Variants in RAB11FIP5 observed in about 807,000 individuals in gnomAD.
RAB11FIP5 encodes the protein RAB11 family interacting protein 5.
Under a neutral mutation model 85.1 loss-of-function variants are expected in RAB11FIP5, and 48 were observed. The observed-to-expected ratio is 0.56, with a 90% CI of 0.45 to 0.72. The LOEUF (loss-of-function observed/expected upper bound fraction) is 0.72, where lower values mean the gene tolerates loss of function less well. Ranked by LOEUF, RAB11FIP5 falls within the 30% of genes least tolerant of loss-of-function variation. RAB11FIP5 has a pLI of 0.00. For synonymous variants in RAB11FIP5, 729 were observed against 727.3 expected, an observed-to-expected ratio of 1.00 and a Z score of -0.04; for missense variants, 1,491 against 1,687.0, an observed-to-expected ratio of 0.88 and a Z score of 2.04.
Position 73,075,763 on chromosome 2 carries a change from GGCCT to G in RAB11FIP5, c.3772-43_3772-40del, listed in dbSNP as rs3832033. 3.1e-4 allele frequency: 465 copies of G among 1,510,228 alleles called. No homozygotes were observed. Among genetic ancestry groups the G allele is most frequent in the Non-Finnish European group, 3.8e-4 (429 of 1,123,454 alleles). The allele number at this position is 1,510,228 out of a possible 1,614,324, so 93.6% of individuals were successfully genotyped here. On this transcript the variant is annotated intron_variant, in intron 5 of 5. Transcript: ENST00000486777. This position sits in a 1 kb window ranked among gnomAD's most constrained non-coding sequence, Gnocchi z 4.6. ...GAAGACAGTGAGCAGGGCAGCCCTA[GGCCT>G]GCCTGCCTGCCTGCCCGCTTGCCCG...
At chr2:73,110,486 C>A (rs547850662) in intron 1 of RAB11FIP5, among the ~76,000 whole-genome samples, 1 of 151,930 alleles carries the variant, frequency 6.6e-6, no homozygotes. Context: ...TGTTCCCCCC[C>A]CGGTTCTATA....
In RAB11FIP5 at chr2:73,088,734, T is replaced by C. The variant is rs868713493; in HGVS notation, c.884A>G (p.Gln295Arg). ...CTTATGGGTGAACAGCTTGGGGGACTGTGCAGAGTCCCTGCCTGCAGGGGA... is the reference window on the plus strand; with the variant it reads ...CTTATGGGTGAACAGCTTGGGGGACCGTGCAGAGTCCCTGCCTGCAGGGGA... ...LSTEGGRDSAQSPKLFTHKRT... is the reference protein window; with the variant it reads ...LSTEGGRDSARSPKLFTHKRT... Residue 295 changes from glutamine (Q) to arginine (R), a missense_variant, in exon 3 of 6, where the codon CAG becomes CGG. Gln to Arg is a conservative substitution (Grantham distance 43, BLOSUM62 1). This residue lies in a region of RAB11FIP5 where 1,211 missense variants were observed against 1,338.0 expected (regional missense o/e 0.91). Coordinates refer to ENST00000486777, the MANE Select transcript of RAB11FIP5 (RefSeq NM_001371272.1). 10 of 1,598,136 alleles carry C rather than the reference T, an allele frequency of 6.3e-6. No individual in the cohort carries two copies. In the Middle Eastern group the frequency reaches 1.3e-3, roughly 214 times the overall value.
Position 73,081,015 on chromosome 2 carries a change from G to C in RAB11FIP5, c.2217C>G (p.Asp739Glu), listed in dbSNP as rs1018980585. The C allele has an allele frequency of 4.1e-6, 5 of 1,232,444 alleles. No individual in the cohort carries two copies. Among genetic ancestry groups the C allele is most frequent in the Non-Finnish European group, 5.1e-6 (5 of 988,196 alleles). The allele number at this position is 1,232,444 out of a possible 1,614,324, so 76.3% of individuals were successfully genotyped here. ...CCCCTACCGACCCGAGGAGCCCTGG[G>C]TCAGCCGCGCTCGCGCTCTGGTGGT... ...GPNHQSASAA[D>E]PGLLGSVGAG... The change falls in exon 4 of 6, where the codon GAC becomes GAG. Residue 739 changes from aspartate (D) to glutamate (E), a missense_variant. Around this residue, in one of 3 missense-constraint regions of RAB11FIP5, gnomAD observed 1,211 missense variants for 1,338.0 expected, o/e 0.91. Coordinates refer to ENST00000486777, the MANE Select transcript of RAB11FIP5 (RefSeq NM_001371272.1). The surrounding 1 kb of genome is among the most constrained non-coding windows in gnomAD (Gnocchi z 4.2).
In RAB11FIP5 at chr2:73,075,462, G is replaced by T; in HGVS notation, c.*59C>A. 6.6e-7 allele frequency: 1 copy of T among 1,509,916 alleles called. No homozygotes were observed. The highest frequency in any genetic ancestry group is 9.2e-7 in the Non-Finnish European group (1 of 1,084,780). The allele number at this position is 1,509,916 out of a possible 1,614,324, so 93.5% of individuals were successfully genotyped here. A position where few individuals can be genotyped will look rare whatever the true frequency, so the allele number is the denominator to read the frequency against. ...CACTGCAGATGAGAGAGTTCAGGAG[G>T]AGAGAGGGCAGGCAGCAATAGGTCC... is the stretch of plus-strand genomic sequence containing the variant. On this transcript the variant is annotated 3_prime_UTR_variant, in exon 6 of 6. Transcript: ENST00000486777. The surrounding 1 kb of genome is among the most constrained non-coding windows in gnomAD (Gnocchi z 4.6).
At chr2:73,100,373 T>C (rs922935671) in intron 1 of RAB11FIP5, among the ~76,000 whole-genome samples, 3 of 152,062 alleles carry the variant, frequency 2.0e-5, no homozygotes, top group Non-Finnish European at 4.4e-5. Context: ...GGGCATATAT[T>C]TAATGTGAAA....
In RAB11FIP5 at chr2:73,076,098, G is replaced by T; in HGVS notation, c.3666C>A (p.Ala1222=). ...RKQSRSSLSI[A]LSSGLEKLKT... ...TGAGCTTCTCCAGCCCACTGCTCAG[G>T]GCTATGCTCAGACTGGAGCGGGACT... is the stretch of plus-strand genomic sequence containing the variant. The change falls in exon 5 of 6, where the codon GCC becomes GCA. Residue 1222 remains alanine, a synonymous_variant. Coordinates refer to ENST00000486777, the MANE Select transcript of RAB11FIP5 (RefSeq NM_001371272.1). The T allele has an allele frequency of 1.2e-6, 2 of 1,614,174 alleles. No homozygotes were observed. The highest frequency in any genetic ancestry group is 1.7e-6 in the Non-Finnish European group (2 of 1,179,974).
chr2:73,092,384 G>T (rs1684234203), intron 1 of RAB11FIP5, among the ~76,000 whole-genome samples: 2 of 152,228 alleles, frequency 1.3e-5, no homozygotes, highest in Non-Finnish European at 2.9e-5. Context: ...GGGCCCTGTG[G>T]TGAGATTGCA....
At position 73,075,719 on chromosome 2, in the gene RAB11FIP5, T is replaced by A. The variant is rs755391416; in HGVS notation, c.3777A>T (p.Ser1259=). The change falls in exon 6 of 6, where the codon TCA becomes TCT. Residue 1259 remains serine (S), a synonymous_variant. Coordinates refer to ENST00000486777, the MANE Select transcript of RAB11FIP5 (RefSeq NM_001371272.1). The surrounding 1 kb of genome is among the most constrained non-coding windows in gnomAD (Gnocchi z 4.6). The part of the protein sequence containing the change: ...QMVDTKRLKD[S]AVLDQSAKYY... ...ACTTGGCCGACTGGTCCAGCACAGC[T>A]GAGTCCTGAGGCCGGACCGAAGACA... 148 of 1,601,600 alleles carry A rather than the reference T, an allele frequency of 9.2e-5. No homozygotes were observed. Among genetic ancestry groups the A allele is most frequent in the Non-Finnish European group, 1.2e-4 (138 of 1,173,070 alleles).
At chr2:73,076,776 T>G (rs1395357104) in intron 4 of RAB11FIP5, among the ~76,000 whole-genome samples, 8 of 152,192 alleles carry the variant, frequency 5.3e-5, no homozygotes, top group Admixed American at 5.2e-4. Flanking sequence ...TTCCCCTTTC[T>G]TCTCACCCAA....
intron 1 of RAB11FIP5, among the ~76,000 whole-genome samples, chr2:73,106,440 C>T (rs1013188644): frequency 6.6e-6 from 1 of 152,236 alleles, no homozygotes; most frequent in Non-Finnish European, 1.5e-5. Context: ...AAACACAGCA[C>T]TTGGCTATAG....
Position 73,074,181 on chromosome 2 carries a change from G to C in RAB11FIP5, c.*1340C>G, listed in dbSNP as rs1316266342. ...GCCCCTGGGGCAGAAGGGACAGGCT[G>C]AGATAGCAGCTTAATGGATGGATGG... On this transcript the variant is annotated 3_prime_UTR_variant, in exon 6 of 6. Coordinates refer to ENST00000486777, the MANE Select transcript of RAB11FIP5 (RefSeq NM_001371272.1). 2 of 152,306 alleles carry C rather than the reference G, an allele frequency of 1.3e-5. No individual in the cohort carries two copies. Among genetic ancestry groups the C allele is most frequent in the African/African-American group, 4.8e-5 (2 of 41,460 alleles). 9.4% of individuals were successfully genotyped at this position (152,306 alleles called of 1,614,324 possible).
chr2:73,083,936 C>A (rs886564576), intron 3 of RAB11FIP5, among the ~76,000 whole-genome samples: 15 of 152,236 alleles, frequency 9.9e-5, no homozygotes, highest in African/African-American at 3.6e-4. Flanking sequence ...ACATTAAAAG[C>A]ACTACGCTTA....
chr2:73,092,701 G>C (rs895883716), intron 1 of RAB11FIP5, among the ~76,000 whole-genome samples: 1 of 152,136 alleles, frequency 6.6e-6, no homozygotes, highest in Non-Finnish European at 1.5e-5. Context: ...CCCTGGACTT[G>C]TTTTTCAAGG....
At chr2:73,087,045 T>C (rs1322650860) in intron 3 of RAB11FIP5, among the ~76,000 whole-genome samples, 2 of 152,230 alleles carry the variant, frequency 1.3e-5, no homozygotes, top group Non-Finnish European at 2.9e-5. Flanking sequence ...GGGTCCTTCC[T>C]CTGCCCTATC....
Position 73,075,149 on chromosome 2 carries a change from G to A in RAB11FIP5, c.*372C>T. 1 of 486,508 alleles carries A rather than the reference G, an allele frequency of 2.1e-6. No homozygotes were observed. Among genetic ancestry groups the A allele is most frequent in the Non-Finnish European group, 4.0e-6 (1 of 251,290 alleles). The allele number at this position is 486,508 out of a possible 1,614,324, so 30.1% of individuals were successfully genotyped here. On this transcript the variant is annotated 3_prime_UTR_variant, in exon 6 of 6. Coordinates refer to ENST00000486777, the MANE Select transcript of RAB11FIP5 (RefSeq NM_001371272.1). This position sits in a 1 kb window ranked among gnomAD's most constrained non-coding sequence, Gnocchi z 4.6. ...TGGGAAGAAATGGCTGACCATCCTT[G>A]GGGGATAATAAAGTATGTGCTAGCA...
At chr2:73,099,026 CTTTT>C (rs200166582) in intron 1 of RAB11FIP5, among the ~76,000 whole-genome samples, 1 of 137,324 alleles carries the variant, frequency 7.3e-6, no homozygotes, top group African/African-American at 2.6e-5. Flanking sequence ...TTAGTAAATG[CTTTT>C]TTGTTTTTTT....
rs537933480 is a variant in RAB11FIP5 at position 73,079,803 on chromosome 2, C to T, written c.3429G>A (p.Glu1143=). ...CATGGGGGCCAGGGAGTAAGGCTGG[C>T]TCCCCTGGTGGTGCAGAGGAGGTAG... The part of the protein sequence containing the change: ...PLTTSSAPPG[E]PALLPGPHEP... The change falls in exon 4 of 6, where the codon GAG becomes GAA. Residue 1143 remains glutamate, a synonymous_variant. Transcript: ENST00000486777. 22 of 1,232,390 alleles carry T rather than the reference C, an allele frequency of 1.8e-5. No individual in the cohort carries two copies. Among genetic ancestry groups the T allele is most frequent in the Non-Finnish European group, 2.2e-5 (22 of 988,184 alleles). The allele number at this position is 1,232,390 out of a possible 1,614,324, so 76.3% of individuals were successfully genotyped here.
intron 3 of RAB11FIP5, among the ~76,000 whole-genome samples, chr2:73,087,271 T>C (rs1684109560): frequency 6.6e-6 from 1 of 152,176 alleles, no homozygotes; most frequent in South Asian, 2.1e-4. Context: ...GCTATACAAT[T>C]CTGCAGCCTC....
rs1460877214 is a variant in RAB11FIP5 at position 73,089,332 on chromosome 2, G to A, written c.432-17C>T. The stretch of plus-strand genomic sequence containing the variant: ...TTGTACCACCTGTGAGAAGAGGGGA[G>A]CAGGCAGAACTCAGTCACGGGCCCA... On this transcript the variant is annotated splice_polypyrimidine_tract_variant and intron_variant, in intron 1 of 5. Coordinates refer to ENST00000486777, the MANE Select transcript of RAB11FIP5 (RefSeq NM_001371272.1). This position sits in a 1 kb window ranked among gnomAD's most constrained non-coding sequence, Gnocchi z 4.6. 6.2e-7 allele frequency: 1 copy of A among 1,611,400 alleles called. No homozygotes were observed. The highest frequency in any genetic ancestry group is 1.7e-5 in the Admixed American group (1 of 60,030).
Sources: gnomAD v4.1 joint callset for allele counts (sites outside exome capture counted in the v4.1 genomes callset) on GRCh38, gnomAD v4.1.1 for gene constraint, gnomAD v4.1.1 regional missense constraint, Gnocchi (gnomAD v3.1) non-coding constraint, MANE v1.5 for transcripts, NCBI Gene and HGNC (gene_info 2026-07-23, HGNC 2026-07-21) for gene names.